The following CFAP20DC variants were observed in gnomAD, a reference collection of about 807,000 sequenced individuals.
The protein encoded by CFAP20DC is protein CFAP20DC.
In CFAP20DC, 84 loss-of-function variants were observed where a neutral mutation model predicts 101.7. The observed-to-expected ratio is 0.83, with a 90% CI of 0.69 to 0.99. The LOEUF (loss-of-function observed/expected upper bound fraction) is 0.99. Among genes scored for constraint, CFAP20DC ranks in the 50% least tolerant of loss-of-function variants. The probability of loss-of-function intolerance (pLI) is 0.00; values close to 1 mark genes in which losing one functional copy is unlikely to be tolerated. For synonymous variants in CFAP20DC, 359 were observed against 351.2 expected, an observed-to-expected ratio of 1.02 and a Z score of -0.25; for missense variants, 1,007 against 970.3, an observed-to-expected ratio of 1.04 and a Z score of -0.50.
chr3:58,848,793 G>A (rs1385966264), intron 13 of CFAP20DC, among the ~76,000 whole-genome samples: 1 of 152,080 alleles, frequency 6.6e-6, no homozygotes, highest in Non-Finnish European at 1.5e-5. Flanking sequence ...CTGTTATGAT[G>A]AAAATTACAT....
chr3:58,961,794 A>G (rs146989462), intron 4 of CFAP20DC, among the ~76,000 whole-genome samples: 72 of 151,632 alleles, frequency 4.7e-4, no homozygotes, highest in Non-Finnish European at 8.5e-4. Flanking sequence ...TGTCAACCAA[A>G]TTGTCTATGG....
At chr3:59,030,717 T>A (rs2093974835) in intron 4 of CFAP20DC, among the ~76,000 whole-genome samples, 1 of 152,212 alleles carries the variant, frequency 6.6e-6, no homozygotes, top group Non-Finnish European at 1.5e-5. Flanking sequence ...AAAGAAGTCA[T>A]CAGGTTGACT....
chr3:58,790,496 T>G (rs894828353), intron 15 of CFAP20DC, among the ~76,000 whole-genome samples: 1 of 152,090 alleles, frequency 6.6e-6, no homozygotes, highest in East Asian at 1.9e-4. Flanking sequence ...CCAGGTTCCA[T>G]GAGCAGATGA....
intron 1 of CFAP20DC, among the ~76,000 whole-genome samples, chr3:59,048,372 C>T (rs1385476409): frequency 2.0e-5 from 3 of 152,134 alleles, no homozygotes; most frequent in Non-Finnish European, 4.4e-5. Context: ...GGCAGTATTA[C>T]GTGCAAACTG....
Position 58,842,312 on chromosome 3 carries a change from C to T in CFAP20DC, c.1971+6720G>A, listed in dbSNP as rs547844264. Among the ~76,000 whole-genome samples the T allele has an allele frequency of 2.6e-5, 4 of 152,252 alleles. No individual in the cohort carries two copies. The South Asian group carries it at 8.3e-4, about 32-fold the overall frequency. ...GGCGCAGGCCAGTGGGTGCGCGCACCGTGCGCGAGCTGAAGCAGGGCGAGG... is the reference window on the plus strand; with the variant it reads ...GGCGCAGGCCAGTGGGTGCGCGCACTGTGCGCGAGCTGAAGCAGGGCGAGG... On this transcript the variant is annotated intron_variant, in intron 13 of 16. Coordinates refer to ENST00000482387, the MANE Select transcript of CFAP20DC (RefSeq NM_001394063.1).
In CFAP20DC at chr3:58,822,590, A is replaced by T. The variant is rs565763111; in HGVS notation, c.2175+9096T>A. On this transcript the variant is annotated intron_variant, in intron 14 of 16. Transcript: ENST00000482387. Reference sequence around the variant, plus strand: ...TACCCTAAAACTTAAAGTATAATAAAAAAAAAAAAGACTATACAGACTGAT... The same window carrying T: ...TACCCTAAAACTTAAAGTATAATAATAAAAAAAAAGACTATACAGACTGAT... Among the ~76,000 whole-genome samples, 119 of 152,060 alleles carry T rather than the reference A, an allele frequency of 7.8e-4. 2 individuals carry two copies. In the South Asian group the frequency reaches 0.011, roughly 14 times the overall value.
chr3:58,913,618 G>T lies in CFAP20DC; in HGVS notation c.550+90C>A. On this transcript the variant is annotated intron_variant, in intron 6 of 16. Transcript: ENST00000482387. The surrounding 1 kb of genome is among the most constrained non-coding windows in gnomAD (Gnocchi z 4.4). ...ACTTTAGCAGACATAACATCAAACT[G>T]CTACCACACACTCATACTATCCCAA... The T allele has an allele frequency of 1.6e-6, 2 of 1,289,010 alleles. No homozygotes were observed. The highest frequency in any genetic ancestry group is 2.3e-6 in the Non-Finnish European group (2 of 888,230). The allele number at this position is 1,289,010 out of a possible 1,614,324, so 79.8% of individuals were successfully genotyped here. A position where few individuals can be genotyped will look rare whatever the true frequency, so the allele number is the denominator to read the frequency against.
At chr3:58,820,303 C>A (rs1395484203) in intron 14 of CFAP20DC, among the ~76,000 whole-genome samples, 2 of 149,634 alleles carry the variant, frequency 1.3e-5, no homozygotes, top group Non-Finnish European at 3.0e-5. Flanking sequence ...GGCAATGAGG[C>A]AGGAGAAGGA....
intron 10 of CFAP20DC, 91 bp downstream of exon 10, chr3:58,867,726 C>T (rs2079813196): frequency 6.8e-7 from 1 of 1,470,406 alleles, no homozygotes; most frequent in African/African-American, 1.4e-5. Context: ...TGGATTGGTT[C>T]ATAATCCTTT....
chr3:58,796,327 T>TCAACCCC (rs2073240241), intron 15 of CFAP20DC, among the ~76,000 whole-genome samples: 2 of 152,040 alleles, frequency 1.3e-5, no homozygotes, highest in Admixed American at 1.3e-4. Flanking sequence ...CAAGGTGTGG[T>TCAACCCC]CCAGGGTTAA....
chr3:58,823,309 T>C (rs1575772144), intron 14 of CFAP20DC, among the ~76,000 whole-genome samples: 1 of 152,148 alleles, frequency 6.6e-6, no homozygotes, highest in Non-Finnish European at 1.5e-5. Context: ...TATTTCTAGG[T>C]AGGTAGCATC....
Position 58,884,642 on chromosome 3 carries a change from C to A in CFAP20DC, c.618G>T (p.Met206Ile), listed in dbSNP as rs1559764173. 6.2e-7 allele frequency: 1 copy of A among 1,613,828 alleles called. No individual in the cohort carries two copies. The highest frequency in any genetic ancestry group is 8.5e-7 in the Non-Finnish European group (1 of 1,179,798). Reference protein sequence around the residue: ...TDIIPRSCQLMTDVPHVTQLL... With the variant: ...TDIIPRSCQLITDVPHVTQLL... ...GCTGTGTGACATGTGGAACATCTGTCATTAGTTGACAGCTTCGTGGTATAA... is the reference window on the plus strand; with the variant it reads ...GCTGTGTGACATGTGGAACATCTGTAATTAGTTGACAGCTTCGTGGTATAA... Residue 206 changes from methionine (M) to isoleucine (I), a missense_variant, in exon 7 of 17, where the codon ATG (methionine) becomes ATT (isoleucine). Coordinates refer to ENST00000482387, the MANE Select transcript of CFAP20DC (RefSeq NM_001394063.1).
chr3:58,890,675 G>A (rs1294448031), intron 6 of CFAP20DC, among the ~76,000 whole-genome samples: 1 of 148,028 alleles, frequency 6.8e-6, no homozygotes, highest in Non-Finnish European at 1.5e-5. Flanking sequence ...AGACGGGGTG[G>A]TTGCCAGGCA....
At chr3:58,749,412 T>G (rs1197008936) in intron 16 of CFAP20DC, among the ~76,000 whole-genome samples, 1 of 152,184 alleles carries the variant, frequency 6.6e-6, no homozygotes, top group East Asian at 1.9e-4. Context: ...AGCTTCTATC[T>G]CCTCAATACA....
chr3:58,744,072 T>G (rs927607947), intron 16 of CFAP20DC, among the ~76,000 whole-genome samples: 1 of 152,216 alleles, frequency 6.6e-6, no homozygotes, highest in African/African-American at 2.4e-5. Flanking sequence ...TCTTTAAAAG[T>G]GGAGTTCAAC....
At chr3:58,837,997 C>T (rs1449849863) in intron 13 of CFAP20DC, among the ~76,000 whole-genome samples, 2 of 152,122 alleles carry the variant, frequency 1.3e-5, no homozygotes, top group African/African-American at 4.8e-5. Flanking sequence ...TTCAGATTCT[C>T]AAGCTAGGCA....
chr3:58,749,789 T>C (rs1223118421), intron 16 of CFAP20DC, among the ~76,000 whole-genome samples: 1 of 152,174 alleles, frequency 6.6e-6, no homozygotes, highest in East Asian at 1.9e-4. Flanking sequence ...CAAAAACAAA[T>C]TGACAACTAT....
Position 58,799,466 on chromosome 3 carries a change from T to C in CFAP20DC, c.2237+6929A>G, listed in dbSNP as rs1378797457. ...AGGTAGAGAAGTATACAGGTGCTCATGGGCTCCAGCTAGTGGAATACACAG... is the reference window on the plus strand; with the variant it reads ...AGGTAGAGAAGTATACAGGTGCTCACGGGCTCCAGCTAGTGGAATACACAG... On this transcript the variant is annotated intron_variant, in intron 15 of 16. Transcript: ENST00000482387. This position sits in a 1 kb window ranked among gnomAD's most constrained non-coding sequence, Gnocchi z 4.9. Among the ~76,000 whole-genome samples, 1 of 152,162 alleles carries C rather than the reference T, an allele frequency of 6.6e-6. No individual in the cohort carries two copies. The highest frequency in any genetic ancestry group is 1.9e-4 in the East Asian group (1 of 5,198).
At position 59,015,561 on chromosome 3, in the gene CFAP20DC, G is replaced by T. The variant is rs1559994511; in HGVS notation, c.278+23996C>A. ...GAGGAAAAGAAGGAAAGAGGAAGGA[G>T]GAGGGTTGGAGGGTGGAGGAGGAAG... is the stretch of plus-strand genomic sequence containing the variant. On this transcript the variant is annotated intron_variant, in intron 4 of 16. Coordinates refer to ENST00000482387, the MANE Select transcript of CFAP20DC (RefSeq NM_001394063.1). The surrounding 1 kb of genome is among the most constrained non-coding windows in gnomAD (Gnocchi z 5.4). Among the ~76,000 whole-genome samples, 2 of 151,118 alleles carry T rather than the reference G, an allele frequency of 1.3e-5. No individual in the cohort carries two copies. Among genetic ancestry groups the T allele is most frequent in the Non-Finnish European group, 3.0e-5 (2 of 67,760 alleles).
Sources: gnomAD v4.1 joint callset for allele counts (sites outside exome capture counted in the v4.1 genomes callset) on GRCh38, gnomAD v4.1.1 for gene constraint, Gnocchi (gnomAD v3.1) non-coding constraint, MANE v1.5 for transcripts, NCBI Gene and HGNC (gene_info 2026-07-23, HGNC 2026-07-21) for gene names.